PRKCB: variants seen among roughly 807,000 people sequenced by gnomAD.
PRKCB encodes the protein protein kinase C beta.
Under a neutral mutation model 81.5 loss-of-function variants are expected in PRKCB, and 13 were observed. The ratio of observed to expected loss-of-function variants is 0.16; its 90% CI spans 0.10 to 0.25. The LOEUF is 0.25. Ranked by LOEUF, PRKCB falls within the 10% of genes least tolerant of loss-of-function variation. The probability of loss-of-function intolerance (pLI) is 1.00; values close to 1 mark genes in which losing one functional copy is unlikely to be tolerated. For missense variants in PRKCB, 509 were observed against 875.7 expected, an observed-to-expected ratio of 0.58 and a Z score of 5.29; for synonymous variants, 335 against 321.4, an observed-to-expected ratio of 1.04 and a Z score of -0.45.
At chr16:24,057,200 T>G (rs1965913336) in intron 5 of PRKCB, among the ~76,000 whole-genome samples, 1 of 152,182 alleles carries the variant, frequency 6.6e-6, no homozygotes, top group South Asian at 2.1e-4. Context: ...CTTTTGGGAA[T>G]GGGAAGGGCC....
chr16:23,883,718 G>T (rs1376711262), intron 2 of PRKCB, among the ~76,000 whole-genome samples: 1 of 152,098 alleles, frequency 6.6e-6, no homozygotes, highest in East Asian at 1.9e-4. Context: ...TGGTAAATGG[G>T]ATATGAATTG....
chr16:24,220,554 C>T lies in PRKCB; in HGVS notation c.*5738C>T, dbSNP rs1020638917. The T allele has an allele frequency of 1.9e-5, 3 of 154,814 alleles. No individual in the cohort carries two copies. The East Asian group carries it at 5.7e-4, about 30-fold the overall frequency. 9.6% of individuals were successfully genotyped at this position (154,814 alleles called of 1,614,324 possible). On this transcript the variant is annotated 3_prime_UTR_variant, in exon 17 of 17. Coordinates refer to ENST00000643927, the MANE Select transcript of PRKCB (RefSeq NM_002738.7). ...TTGCAGTTACTGTGAACTATTGTCT[C>T]TTGGAGGAAGTTTTTTGTTTAAGAA... is the stretch of plus-strand genomic sequence containing the variant.
intron 2 of PRKCB, among the ~76,000 whole-genome samples, chr16:23,923,666 G>C (rs565602105): frequency 1.3e-5 from 2 of 152,176 alleles, no homozygotes; most frequent in East Asian, 3.9e-4. Context: ...CCAATCTTCA[G>C]TTACTAACAT....
intron 2 of PRKCB, among the ~76,000 whole-genome samples, chr16:23,864,287 C>T (rs1005377671): frequency 6.6e-6 from 1 of 152,094 alleles, no homozygotes; most frequent in Non-Finnish European, 1.5e-5. Context: ...TCCTCACCTT[C>T]GAGATTAAGA....
At chr16:24,009,961 C>A (rs1445110958) in intron 3 of PRKCB, among the ~76,000 whole-genome samples, 2 of 152,144 alleles carry the variant, frequency 1.3e-5, no homozygotes. Flanking sequence ...CGAGATCATG[C>A]TACTGCACTC....
chr16:24,002,184 G>A (rs1042529139), intron 3 of PRKCB, among the ~76,000 whole-genome samples: 2 of 152,104 alleles, frequency 1.3e-5, no homozygotes, highest in African/African-American at 4.8e-5. Flanking sequence ...CTGAGGGCTG[G>A]CAGGCTGTCG....
chr16:23,884,762 A>G (rs1194765487), intron 2 of PRKCB, among the ~76,000 whole-genome samples: 1 of 152,006 alleles, frequency 6.6e-6, no homozygotes, highest in Non-Finnish European at 1.5e-5. Context: ...ACTGGTCTCA[A>G]ACTCCTGGAC....
chr16:24,198,485 G>T (rs1967910928), intron 16 of PRKCB, among the ~76,000 whole-genome samples: 1 of 152,190 alleles, frequency 6.6e-6, no homozygotes, highest in Non-Finnish European at 1.5e-5. Flanking sequence ...CTTCATTAGA[G>T]TCCTTGGAGT....
intron 9 of PRKCB, among the ~76,000 whole-genome samples, chr16:24,132,795 T>TTTTTTTC (rs1567386726): frequency 5.8e-5 from 8 of 138,932 alleles, no homozygotes; most frequent in African/African-American, 2.2e-4. Context: ...TTTTTTTTCT[T>TTTTTTTC]CTAGAGACAG....
chr16:24,073,350 G>A (rs1449919917), intron 5 of PRKCB, among the ~76,000 whole-genome samples: 2 of 152,120 alleles, frequency 1.3e-5, no homozygotes, highest in Non-Finnish European at 2.9e-5. Context: ...TTATTTCTTA[G>A]AAACAGGATC....
At chr16:24,087,121 A>G (rs899109986) in intron 5 of PRKCB, among the ~76,000 whole-genome samples, 1 of 152,180 alleles carries the variant, frequency 6.6e-6, no homozygotes, top group Non-Finnish European at 1.5e-5. Context: ...GAAATACTTC[A>G]GTTGTATTTC....
At chr16:24,001,377 G>A (rs181388263) in intron 3 of PRKCB, among the ~76,000 whole-genome samples, 98 of 152,316 alleles carry the variant, frequency 6.4e-4, no homozygotes, top group South Asian at 4.1e-4. Context: ...AGAGATGGTA[G>A]ACACTAATGT....
At chr16:24,170,304 T>A (rs1427133083) in intron 10 of PRKCB, among the ~76,000 whole-genome samples, 1 of 151,838 alleles carries the variant, frequency 6.6e-6, no homozygotes, top group Non-Finnish European at 1.5e-5. Context: ...CAAAATATAA[T>A]TAACAAATTA....
chr16:24,029,078 A>AGGC (rs1965519430), intron 3 of PRKCB, among the ~76,000 whole-genome samples: 1 of 152,222 alleles, frequency 6.6e-6, no homozygotes, highest in African/African-American at 2.4e-5. Context: ...GGCGTGAGCC[A>AGGC]CTGTGCCCGG....
In PRKCB at chr16:24,035,441, G is replaced by A. The variant is rs908974978; in HGVS notation, c.423G>A (p.Lys141=). The change falls in exon 5 of 17, where the codon AAG becomes AAA. Residue 141 remains lysine (K), a synonymous_variant. Coordinates refer to ENST00000643927, the MANE Select transcript of PRKCB (RefSeq NM_002738.7). ...CAGCCTGCATGATGAATGTGCACAA[G>A]CGCTGCGTGATGAATGTTCCCAGCC... ...KCDTCMMNVH[K]RCVMNVPSLC... 1 of 1,614,122 alleles carries A rather than the reference G, an allele frequency of 6.2e-7. No individual in the cohort carries two copies. The highest frequency in any genetic ancestry group is 1.7e-5 in the Admixed American group (1 of 60,004).
chr16:24,110,577 T>G (rs1396445053), intron 7 of PRKCB, among the ~76,000 whole-genome samples: 1 of 145,342 alleles, frequency 6.9e-6, no homozygotes. Context: ...AGTGCAGTGG[T>G]GCAATAATAG....
At chr16:24,079,178 A>G (rs1966218223) in intron 5 of PRKCB, among the ~76,000 whole-genome samples, 1 of 152,166 alleles carries the variant, frequency 6.6e-6, no homozygotes, top group South Asian at 2.1e-4. Context: ...ACCTATCCCA[A>G]ACCTATAAGA....
chr16:23,889,035 T>C (rs1295912066), intron 2 of PRKCB, among the ~76,000 whole-genome samples: 1 of 152,114 alleles, frequency 6.6e-6, no homozygotes, highest in Non-Finnish European at 1.5e-5. Context: ...AAATTCGACA[T>C]GACTGATCAT....
intron 5 of PRKCB, among the ~76,000 whole-genome samples, chr16:24,077,489 CCATCCA>C (rs1567366327): frequency 3.9e-4 from 44 of 111,632 alleles, no homozygotes; most frequent in African/African-American, 1.1e-3. Context: ...ATTCATCTCT[CCATCCA>C]TCCATCCATC....
Sources: gnomAD v4.1 joint callset for allele counts (sites outside exome capture counted in the v4.1 genomes callset) on GRCh38, gnomAD v4.1.1 for gene constraint, MANE v1.5 for transcripts, NCBI Gene and HGNC (gene_info 2026-07-23, HGNC 2026-07-21) for gene names.